Variants in LDLRAD4 observed in about 807,000 individuals in gnomAD.
LDLRAD4 encodes the protein low density lipoprotein receptor class A domain containing 4, also known as low-density lipoprotein receptor class A domain-containing protein 4.
Under a neutral mutation model 17.0 loss-of-function variants are expected in LDLRAD4, and 5 were observed. That is an observed-to-expected ratio of 0.29 (90% CI 0.15 to 0.62). The LOEUF is 0.62. Ranked by LOEUF, LDLRAD4 falls within the 20% of genes least tolerant of loss-of-function variation. The pLI is 0.84. For missense variants in LDLRAD4, 340 were observed against 424.7 expected (o/e 0.80, Z 1.75); for synonymous variants, 168 against 171.8 (o/e 0.98, Z 0.17).
chr18:13,632,153 T>G (rs1309947834), intron 4 of LDLRAD4, among the ~76,000 whole-genome samples: 2 of 152,138 alleles, frequency 1.3e-5, no homozygotes, highest in Non-Finnish European at 2.9e-5. Flanking sequence ...GAAATAGTAT[T>G]GTCACAGGAT....
chr18:13,390,100 A>G (rs2086152323), intron 2 of LDLRAD4, among the ~76,000 whole-genome samples: 1 of 150,244 alleles, frequency 6.7e-6, no homozygotes, highest in South Asian at 2.1e-4. Context: ...GGCTCTGCTC[A>G]TCACTGCACA....
At chr18:13,258,103 T>C (rs1466648884) in intron 1 of LDLRAD4, among the ~76,000 whole-genome samples, 6 of 152,212 alleles carry the variant, frequency 3.9e-5, no homozygotes, top group African/African-American at 7.2e-5. Flanking sequence ...GTTGAAAACA[T>C]GTTAGATCTC....
At chr18:13,401,880 G>T (rs892233164) in intron 2 of LDLRAD4, among the ~76,000 whole-genome samples, 2 of 152,306 alleles carry the variant, frequency 1.3e-5, no homozygotes, top group South Asian at 4.1e-4. Flanking sequence ...CTTCCCTGAG[G>T]TTTGTGGACT....
At chr18:13,576,225 C>T (rs1443167372) in intron 3 of LDLRAD4, among the ~76,000 whole-genome samples, 2 of 151,998 alleles carry the variant, frequency 1.3e-5, no homozygotes, top group African/African-American at 4.8e-5. Context: ...AGATCCAGAC[C>T]ATCCTGGGTA....
intron 1 of LDLRAD4, among the ~76,000 whole-genome samples, chr18:13,360,382 A>T (rs995899161): frequency 6.6e-6 from 1 of 152,304 alleles, no homozygotes; most frequent in South Asian, 2.1e-4. Context: ...AAGTGAGGAG[A>T]TGTGTGGTAT....
chr18:13,602,447 G>C (rs2095174008), intron 3 of LDLRAD4, among the ~76,000 whole-genome samples: 1 of 151,836 alleles, frequency 6.6e-6, no homozygotes, highest in Admixed American at 6.6e-5. Context: ...TTGGTGGTGG[G>C]ATGGGGGGAA....
intron 1 of LDLRAD4, chr18:13,362,295 T>C (rs550193785): frequency 6.6e-6 from 1 of 152,368 alleles, no homozygotes; most frequent in South Asian, 2.1e-4. Flanking sequence ...GGGAGTGAAA[T>C]TCGTGCTTTC....
At chr18:13,603,168 C>A (rs1408150318) in intron 3 of LDLRAD4, among the ~76,000 whole-genome samples, 2 of 152,164 alleles carry the variant, frequency 1.3e-5, no homozygotes, top group African/African-American at 4.8e-5. Flanking sequence ...CCTTAAATTT[C>A]CAGAACACAG....
chr18:13,619,380 C>A (rs78619791), intron 3 of LDLRAD4, among the ~76,000 whole-genome samples: 2,374 of 152,160 alleles, frequency 0.016, 70 homozygotes, highest in African/African-American at 0.055. Context: ...TCTATTGGAA[C>A]CCAATTGCAA....
intron 1 of LDLRAD4, among the ~76,000 whole-genome samples, chr18:13,242,449 T>G (rs1178910257): frequency 6.6e-6 from 1 of 152,220 alleles, no homozygotes; most frequent in Non-Finnish European, 1.5e-5. Flanking sequence ...AAGACCTTCG[T>G]GGACTTCACT....
At chr18:13,330,332 A>G (rs1403167355) in intron 1 of LDLRAD4, among the ~76,000 whole-genome samples, 1 of 152,044 alleles carries the variant, frequency 6.6e-6, no homozygotes, top group Non-Finnish European at 1.5e-5. Flanking sequence ...AAGCTTGTCT[A>G]GTTTTCAAAA....
chr18:13,257,586 T>A (rs890414325), intron 1 of LDLRAD4, among the ~76,000 whole-genome samples: 1 of 152,196 alleles, frequency 6.6e-6, no homozygotes, highest in Non-Finnish European at 1.5e-5. Context: ...GCAGCCTGGA[T>A]GTGAGACACT....
At chr18:13,360,714 C>T (rs1311169345) in intron 1 of LDLRAD4, among the ~76,000 whole-genome samples, 2 of 152,176 alleles carry the variant, frequency 1.3e-5, no homozygotes, top group African/African-American at 4.8e-5. Flanking sequence ...GCAGGCAAGG[C>T]CACTGAGATG....
chr18:13,298,470 G>A (rs966566219), intron 1 of LDLRAD4, among the ~76,000 whole-genome samples: 3 of 146,412 alleles, frequency 2.0e-5, no homozygotes, highest in Non-Finnish European at 3.0e-5. Flanking sequence ...CTCTGGGCAC[G>A]GTGATGGAGC....
intron 3 of LDLRAD4, chr18:13,612,536 C>T: frequency 7.1e-7 from 1 of 1,401,686 alleles, no homozygotes; most frequent in Non-Finnish European, 9.2e-7. Context: ...ACGAGGCAGA[C>T]AGAAACACAC....
intron 1 of LDLRAD4, among the ~76,000 whole-genome samples, chr18:13,265,417 C>G (rs570657518): frequency 1.7e-4 from 26 of 152,310 alleles, no homozygotes; most frequent in African/African-American, 6.0e-4. Context: ...TCGAAGCCCT[C>G]CCCCTTCCCA....
chr18:13,488,004 CA>C (rs1425872009), intron 3 of LDLRAD4: 29 of 152,610 alleles, frequency 1.9e-4, no homozygotes, highest in African/African-American at 6.7e-4. Flanking sequence ...ATGGGAAGGA[CA>C]AGGCTTTCAG....
chr18:13,354,814 C>CT (rs1439853071), intron 1 of LDLRAD4, among the ~76,000 whole-genome samples: 2 of 152,202 alleles, frequency 1.3e-5, no homozygotes, highest in African/African-American at 2.4e-5. Flanking sequence ...AGGGCTTGTG[C>CT]TGTTAGATGA....
chr18:13,375,467 C>T (rs551893233), intron 1 of LDLRAD4, among the ~76,000 whole-genome samples: 6 of 152,152 alleles, frequency 3.9e-5, no homozygotes, highest in Admixed American at 1.3e-4. Context: ...CCCTGTGGCT[C>T]GGCAGTGCGA....
Sources: gnomAD v4.1 joint callset for allele counts (sites outside exome capture counted in the v4.1 genomes callset) on GRCh38, gnomAD v4.1.1 for gene constraint, MANE v1.5 for transcripts, NCBI Gene and HGNC (gene_info 2026-07-23, HGNC 2026-07-21) for gene names.